The following RASSF3 variants were observed in gnomAD, a reference collection of about 807,000 sequenced individuals.
RASSF3 encodes Ras association domain family member 3, also known as ras association domain-containing protein 3.
In RASSF3, 19 loss-of-function variants were observed where a neutral mutation model predicts 19.9. That is an observed-to-expected ratio of 0.96 (90% CI 0.67 to 1.40). The LOEUF (loss-of-function observed/expected upper bound fraction) is 1.40. Among genes scored for constraint, RASSF3 ranks in the 40% most tolerant of loss-of-function variants. RASSF3 has a pLI of 0.00. For missense variants in RASSF3, 306 were observed against 289.8 expected (o/e 1.06, Z -0.41); for synonymous variants, 110 against 104.2 (o/e 1.06, Z -0.34).
At chr12:64,573,349 A>C (rs1235925263) in intron 2 of RASSF3, among the ~76,000 whole-genome samples, 1 of 152,220 alleles carries the variant, frequency 6.6e-6, no homozygotes. Context: ...TCTAAACAGC[A>C]GTTTAGGCAG....
At chr12:64,669,173 G>A (rs941391755) in intron 1 of RASSF3, among the ~76,000 whole-genome samples, 1 of 152,152 alleles carries the variant, frequency 6.6e-6, no homozygotes, top group African/African-American at 2.4e-5. Context: ...TCTTCTCTGG[G>A]ACATTCTTTA....
upstream of RASSF3, among the ~76,000 whole-genome samples, chr12:64,531,444 T>C (rs956793080): frequency 1.3e-5 from 2 of 152,212 alleles, no homozygotes; most frequent in Non-Finnish European, 2.9e-5. Flanking sequence ...AAAATATATA[T>C]AACATAAAAT....
intron 2 of RASSF3, among the ~76,000 whole-genome samples, chr12:64,595,626 C>G (rs1334267395): frequency 1.3e-5 from 2 of 152,152 alleles, no homozygotes; most frequent in Non-Finnish European, 2.9e-5. Context: ...CCTCCATGTA[C>G]AGAACCTAAG....
At chr12:64,672,987 T>G (rs935700007) in intron 1 of RASSF3, among the ~76,000 whole-genome samples, 2 of 152,156 alleles carry the variant, frequency 1.3e-5, no homozygotes, top group South Asian at 4.1e-4. Context: ...TGCCTCCTCC[T>G]CGGTTGCTGC....
chr12:64,633,451 C>T (rs946441489), intron 1 of RASSF3, among the ~76,000 whole-genome samples: 2 of 152,110 alleles, frequency 1.3e-5, no homozygotes, highest in Non-Finnish European at 2.9e-5. Context: ...CTGGCACCTC[C>T]TCCTCTCTCT....
chr12:64,613,649 TA>T (rs1870450507), intron 1 of RASSF3, among the ~76,000 whole-genome samples: 1 of 152,092 alleles, frequency 6.6e-6, no homozygotes, highest in Admixed American at 6.5e-5. Context: ...GGAAAAGGGT[TA>T]AAAAACCTGT....
chr12:64,641,375 G>A (rs1352190199), intron 1 of RASSF3, among the ~76,000 whole-genome samples: 1 of 134,926 alleles, frequency 7.4e-6, no homozygotes, highest in Admixed American at 7.1e-5. Flanking sequence ...CAGCCTGGGT[G>A]ACAGAGTGAG....
At chr12:64,694,614 G>A (rs1868327933) in intron 4 of RASSF3, 149 bp from the exon 5 acceptor site, 1 of 783,358 alleles carries the variant, frequency 1.3e-6, no homozygotes, top group Non-Finnish European at 2.1e-6. Context: ...CCCTTAGGCT[G>A]GCAACACCCC....
intron 2 of RASSF3, among the ~76,000 whole-genome samples, chr12:64,554,767 A>G (rs1869228767): frequency 6.6e-6 from 1 of 152,124 alleles, no homozygotes; most frequent in Non-Finnish European, 1.5e-5. Flanking sequence ...TGTATTTTTT[A>G]CTTGTTTATT....
intron 1 of RASSF3, among the ~76,000 whole-genome samples, chr12:64,508,627 G>A (rs765540277): frequency 5.9e-5 from 9 of 152,114 alleles, no homozygotes; most frequent in Non-Finnish European, 1.3e-4. Context: ...GCTCATGCCT[G>A]TAATCCCAGC....
intron 1 of RASSF3, among the ~76,000 whole-genome samples, chr12:64,650,307 ATGACAGGACCTTGACAGGTCCT>A (rs1206090535): frequency 2.0e-5 from 3 of 151,984 alleles, no homozygotes; most frequent in African/African-American, 7.3e-5. Context: ...CAGCGCTGCC[ATGACAGGACCTTGACAGGTCCT>A]TGATAGGACC....
chr12:64,641,414 A>ACACACACACACACACACACACG, intron 1 of RASSF3, among the ~76,000 whole-genome samples: 219 of 142,180 alleles, frequency 1.5e-3, no homozygotes, highest in African/African-American at 4.1e-3. Context: ...ACACACACAC[A>ACACACACACACACACACACACG]CGCGCGCGCG....
At chr12:64,511,463 T>C (rs1279255264) in intron 1 of RASSF3, among the ~76,000 whole-genome samples, 3 of 150,040 alleles carry the variant, frequency 2.0e-5, no homozygotes, top group South Asian at 2.1e-4. Flanking sequence ...GCCTGGGCAA[T>C]AGAGCAAGAC....
At chr12:64,553,365 AC>A (rs2136122125) in intron 2 of RASSF3, among the ~76,000 whole-genome samples, 1 of 152,314 alleles carries the variant, frequency 6.6e-6, no homozygotes, top group South Asian at 2.1e-4. Context: ...AATATTCCTG[AC>A]ATTGGGCCAG....
chr12:64,527,567 C>CT (rs935976698), intron 1 of RASSF3, among the ~76,000 whole-genome samples: 8 of 152,254 alleles, frequency 5.3e-5, no homozygotes, highest in Non-Finnish European at 4.4e-5. Context: ...ACCTTACCCC[C>CT]TTTTTTAGCA....
intron 1 of RASSF3, among the ~76,000 whole-genome samples, chr12:64,681,267 G>A (rs1315827724): frequency 2.6e-5 from 4 of 152,154 alleles, no homozygotes; most frequent in African/African-American, 9.7e-5. Flanking sequence ...GTGAACCTTT[G>A]GTGATTCCTC....
At chr12:64,564,787 G>GT (rs774281239) in intron 2 of RASSF3, among the ~76,000 whole-genome samples, 51 of 80,032 alleles carry the variant, frequency 6.4e-4, no homozygotes, top group Middle Eastern at 8.5e-3. Flanking sequence ...TTTGTTTTTT[G>GT]TTTTTTTTTT....
chr12:64,647,632 C>T (rs569132399), intron 1 of RASSF3, among the ~76,000 whole-genome samples: 18 of 152,124 alleles, frequency 1.2e-4, no homozygotes, highest in Admixed American at 5.9e-4. Context: ...AGGCTGGTCT[C>T]GAATTCCTGA....
At chr12:64,620,061 G>C (rs899815923) in intron 1 of RASSF3, among the ~76,000 whole-genome samples, 6 of 112,898 alleles carry the variant, frequency 5.3e-5, no homozygotes, top group African/African-American at 1.9e-4. Context: ...CATTTTTCAA[G>C]TATTGAATAT....
Sources: gnomAD v4.1 joint callset for allele counts (sites outside exome capture counted in the v4.1 genomes callset) on GRCh38, gnomAD v4.1.1 for gene constraint, MANE v1.5 for transcripts, NCBI Gene and HGNC (gene_info 2026-07-23, HGNC 2026-07-21) for gene names.